Variants in GRK3 observed in about 807,000 individuals in gnomAD.
GRK3 encodes adrenergic, beta, receptor kinase 2.
GRK3 carries 54 observed loss-of-function variants against 95.7 expected under a neutral mutation model. That is an observed-to-expected ratio of 0.56 (90% confidence interval 0.45 to 0.71). The LOEUF is 0.71. Ranked by LOEUF, GRK3 falls within the 30% of genes least tolerant of loss-of-function variation. The probability of loss-of-function intolerance (pLI) is 0.00; values close to 1 mark genes in which losing one functional copy is unlikely to be tolerated. For missense variants in GRK3, 649 were observed against 851.2 expected, an observed-to-expected ratio of 0.76 and a Z score of 2.96; for synonymous variants, 281 against 290.8, an observed-to-expected ratio of 0.97 and a Z score of 0.34.
intron 2 of GRK3, among the ~76,000 whole-genome samples, chr22:25,614,756 A>C (rs1317763940): frequency 6.6e-6 from 1 of 152,262 alleles, no homozygotes; most frequent in Non-Finnish European, 1.5e-5. Flanking sequence ...CTATATAATA[A>C]TACTAAAATC....
Position 25,703,708 on chromosome 22 carries a change from G to A in GRK3, c.1227+132G>A, listed in dbSNP as rs1033540666. Reference sequence around the variant, plus strand: ...TTATGTATAGACATAATAAAAATTTGCTTTCTTGAAACAAATAAATGCAGA... The same window carrying A: ...TTATGTATAGACATAATAAAAATTTACTTTCTTGAAACAAATAAATGCAGA... On this transcript the variant is annotated intron_variant, in intron 14 of 20. Coordinates refer to ENST00000324198, the MANE Select transcript of GRK3 (RefSeq NM_005160.4). 17 of 662,568 alleles carry A rather than the reference G, an allele frequency of 2.6e-5. No individual in the cohort carries two copies. The African/African-American group carries it at 2.9e-4, about 11-fold the overall frequency. The allele number at this position is 662,568 out of a possible 1,614,324, so 41.0% of individuals were successfully genotyped here. A position where few individuals can be genotyped will look rare whatever the true frequency, so the allele number is the denominator to read the frequency against.
intron 17 of GRK3, among the ~76,000 whole-genome samples, chr22:25,711,378 A>G (rs1009103610): frequency 3.3e-5 from 5 of 152,330 alleles, no homozygotes; most frequent in African/African-American, 1.2e-4. Flanking sequence ...GAGGAACTAC[A>G]TGGTAAAATA....
chr22:25,620,030 G>A (rs1054267879), intron 2 of GRK3, among the ~76,000 whole-genome samples: 1 of 149,348 alleles, frequency 6.7e-6, no homozygotes, highest in Non-Finnish European at 1.5e-5. Context: ...GTGTGTGTGT[G>A]TGTGTGTGTG....
rs2085463051 is a variant in GRK3, at chr22:25,724,989, T to G, written c.*2539T>G. 1 of 152,098 alleles carries G rather than the reference T, an allele frequency of 6.6e-6. No individual in the cohort carries two copies. Among genetic ancestry groups the G allele is most frequent in the African/African-American group, 2.4e-5 (1 of 41,400 alleles). 9.4% of individuals were successfully genotyped at this position (152,098 alleles called of 1,614,324 possible). A position where few individuals can be genotyped will look rare whatever the true frequency, so the allele number is the denominator to read the frequency against. Reference sequence around the variant, plus strand: ...AATCCTCCCACGTCAGCCTCCTGAGTAGCTAGGACTACAGGTGCATGCCAC... The same window carrying G: ...AATCCTCCCACGTCAGCCTCCTGAGGAGCTAGGACTACAGGTGCATGCCAC... On this transcript the variant is annotated 3_prime_UTR_variant, in exon 21 of 21. Coordinates refer to ENST00000324198, the MANE Select transcript of GRK3 (RefSeq NM_005160.4).
intron 5 of GRK3, among the ~76,000 whole-genome samples, 155 bp downstream of exon 5, chr22:25,663,859 T>A (rs570346520): frequency 6.6e-6 from 1 of 152,346 alleles, no homozygotes; most frequent in African/African-American, 2.4e-5. Context: ...GAGTTTATTA[T>A]CGCTTATCTT....
intron 2 of GRK3, among the ~76,000 whole-genome samples, chr22:25,640,767 TTACA>T (rs1289219878): frequency 2.0e-5 from 3 of 151,850 alleles, no homozygotes; most frequent in Non-Finnish European, 2.9e-5. Flanking sequence ...ATGGCGGGTG[TTACA>T]TACACTAAAA....
intron 1 of GRK3, among the ~76,000 whole-genome samples, chr22:25,576,134 A>C (rs1428177028): frequency 3.9e-5 from 6 of 152,128 alleles, no homozygotes; most frequent in Non-Finnish European, 4.4e-5. Flanking sequence ...TGCATTAAAC[A>C]CTGGCTCCCA....
chr22:25,571,190 C>T (rs970293051), intron 1 of GRK3, among the ~76,000 whole-genome samples: 3 of 152,160 alleles, frequency 2.0e-5, no homozygotes, highest in African/African-American at 7.2e-5. Flanking sequence ...CATTGCTGGG[C>T]CCCTCGTTTT....
chr22:25,689,638 A>G (rs565861130), intron 11 of GRK3, among the ~76,000 whole-genome samples: 1 of 151,976 alleles, frequency 6.6e-6, no homozygotes, highest in Admixed American at 6.5e-5. Flanking sequence ...GTCATTTGGT[A>G]GGGCCCTATG....
intron 12 of GRK3, 150 bp downstream of exon 12, chr22:25,690,433 C>A: frequency 1.6e-6 from 1 of 634,198 alleles, no homozygotes; most frequent in Non-Finnish European, 2.8e-6. Context: ...GAGATAAGAA[C>A]AGGATGCCTT....
rs529919991 is a variant in GRK3 at position 25,681,113 on chromosome 22, C to G, written c.747+2198C>G. On this transcript the variant is annotated intron_variant, in intron 9 of 20. Transcript: ENST00000324198. The stretch of plus-strand genomic sequence containing the variant: ...CGTGTCCACAGCTGTGAAGAGCAGT[C>G]AGCAATTCATCCAGTCAGTCATTTA... 4.6e-5 allele frequency among the ~76,000 whole-genome samples: 7 copies of G among 152,270 alleles called. No individual in the cohort carries two copies. In the South Asian group the frequency reaches 1.5e-3, roughly 32 times the overall value.
intron 1 of GRK3, 92 bp from the exon 2 acceptor site, chr22:25,604,285 T>A: frequency 1.1e-6 from 1 of 900,780 alleles, no homozygotes; most frequent in Non-Finnish European, 1.7e-6. Flanking sequence ...AAAGCTGATA[T>A]GAAGTCAAGA....
rs775276631 is a variant in GRK3 at position 25,682,568 on chromosome 22, TG to T, written c.748-2600del. Among the ~76,000 whole-genome samples, 8 of 152,352 alleles carry T rather than the reference TG, an allele frequency of 5.3e-5. No homozygotes were observed. In the South Asian group the frequency reaches 1.5e-3, roughly 28 times the overall value. On this transcript the variant is annotated intron_variant, in intron 9 of 20. Transcript: ENST00000324198. ...TATGTTGAAATTTGAACATTTTCTT[TG>T]GAATTTAATAATTTTTTGTGTTCGT...
chr22:25,607,471 A>G (rs1287531012), intron 2 of GRK3, among the ~76,000 whole-genome samples: 1 of 152,094 alleles, frequency 6.6e-6, no homozygotes, highest in Non-Finnish European at 1.5e-5. Context: ...CCGCCAGCAC[A>G]TGCACAGGTA....
intron 2 of GRK3, among the ~76,000 whole-genome samples, chr22:25,618,526 G>A (rs774076351): frequency 6.6e-5 from 10 of 152,138 alleles, no homozygotes; most frequent in Non-Finnish European, 1.3e-4. Flanking sequence ...TTTAAACCCA[G>A]ACTAACAATC....
chr22:25,607,619 C>T (rs1267402786), intron 2 of GRK3, among the ~76,000 whole-genome samples: 1 of 152,116 alleles, frequency 6.6e-6, no homozygotes, highest in Non-Finnish European at 1.5e-5. Context: ...CTCTGTCACT[C>T]AGGCTGGAGT....
chr22:25,727,682 A>G lies in GRK3; in HGVS notation c.*5232A>G, dbSNP rs980649652. 4 of 152,228 alleles carry G rather than the reference A, an allele frequency of 2.6e-5. No homozygotes were observed. Among genetic ancestry groups the G allele is most frequent in the African/African-American group, 7.2e-5 (3 of 41,476 alleles). The allele number at this position is 152,228 out of a possible 1,614,324, so 9.4% of individuals were successfully genotyped here. ...AGTAGAGTTAGCGCTCCAGTATCTAACAATCTCAGAATCATCTCTGAAAAC... is the reference window on the plus strand; with the variant it reads ...AGTAGAGTTAGCGCTCCAGTATCTAGCAATCTCAGAATCATCTCTGAAAAC... On this transcript the variant is annotated 3_prime_UTR_variant, in exon 21 of 21. Transcript: ENST00000324198.
At chr22:25,604,530 C>T (rs1358122118) in intron 2 of GRK3, 77 bp downstream of exon 2, 2 of 952,634 alleles carry the variant, frequency 2.1e-6, no homozygotes, top group Non-Finnish European at 1.6e-6. Flanking sequence ...TATATGAATG[C>T]ACCCCCTAGT....
intron 1 of GRK3, among the ~76,000 whole-genome samples, chr22:25,590,562 C>T (rs1455214976): frequency 3.9e-5 from 6 of 152,130 alleles, no homozygotes; most frequent in African/African-American, 1.4e-4. Context: ...TGGCTCATGC[C>T]TGTAATCCTA....
Sources: gnomAD v4.1 joint callset for allele counts (sites outside exome capture counted in the v4.1 genomes callset) on GRCh38, gnomAD v4.1.1 for gene constraint, MANE v1.5 for transcripts, NCBI Gene and HGNC (gene_info 2026-07-23, HGNC 2026-07-21) for gene names.